DIS3L2: variants seen among roughly 807,000 people sequenced by gnomAD.
DIS3L2 encodes the protein DIS3 like 3'-5' exoribonuclease 2, also known as DIS3-like exonuclease 2.
DIS3L2 carries 34 observed loss-of-function variants against 97.5 expected under a neutral mutation model. That is an observed-to-expected ratio of 0.35 (90% CI 0.27 to 0.46). The LOEUF is 0.46. DIS3L2 is among the 20% of genes least tolerant of loss of function. The pLI, the probability that DIS3L2 is intolerant of heterozygous loss-of-function variation, is 1.00. For missense variants in DIS3L2, 1,038 were observed against 1,146.0 expected, an observed-to-expected ratio of 0.91 and a Z score of 1.36; for synonymous variants, 435 against 445.2, an observed-to-expected ratio of 0.98 and a Z score of 0.29.
At chr2:232,310,220 AG>A (rs1387939345) in intron 14 of DIS3L2, among the ~76,000 whole-genome samples, 1 of 152,128 alleles carries the variant, frequency 6.6e-6, no homozygotes, top group Non-Finnish European at 1.5e-5. Flanking sequence ...TTTAGGAGAA[AG>A]GGGGGCTTGA....
chr2:232,015,807 A>G, intron 3 of DIS3L2, 136 bp downstream of exon 3: 1 of 925,796 alleles, frequency 1.1e-6, no homozygotes, highest in Non-Finnish European at 1.6e-6. Flanking sequence ...ATGATGGCAT[A>G]ACAGAGATGA....
intron 1 of DIS3L2, among the ~76,000 whole-genome samples, chr2:231,968,357 A>G (rs1001632301): frequency 6.6e-6 from 1 of 152,188 alleles, no homozygotes. Context: ...CGGTCTCCCA[A>G]GTGCTGGGAT....
Position 232,021,153 on chromosome 2 carries a change from A to C in DIS3L2, c.211-3124A>C, listed in dbSNP as rs773503534. Among the ~76,000 whole-genome samples, 25 of 152,276 alleles carry C rather than the reference A, an allele frequency of 1.6e-4. No homozygotes were observed. In the South Asian group the frequency reaches 2.3e-3, roughly 14 times the overall value. On this transcript the variant is annotated intron_variant, in intron 3 of 20. Coordinates refer to ENST00000325385, the MANE Select transcript of DIS3L2 (RefSeq NM_152383.5). ...AGCTCCTGGGGTATAGGAAGGGAGAAAGCAGATAGCTGGGGTTAGTTGAGA... is the reference window on the plus strand; with the variant it reads ...AGCTCCTGGGGTATAGGAAGGGAGACAGCAGATAGCTGGGGTTAGTTGAGA...
chr2:232,238,496 C>T, intron 10 of DIS3L2, 37 bp from the exon 11 acceptor site: 5 of 1,573,310 alleles, frequency 3.2e-6, no homozygotes, highest in Non-Finnish European at 3.5e-6. Context: ...CTGTGGCCTT[C>T]CACGCCAGCC....
intron 8 of DIS3L2, among the ~76,000 whole-genome samples, chr2:232,148,223 A>G (rs1025007323): frequency 1.3e-5 from 2 of 151,810 alleles, no homozygotes; most frequent in Admixed American, 6.6e-5. Flanking sequence ...CAATTTTTAT[A>G]TTTTTAGTAG....
Position 232,335,784 on chromosome 2 carries a change from G to A in DIS3L2, c.2406G>A (p.Leu802=), listed in dbSNP as rs1446187399. The A allele has an allele frequency of 6.4e-7, 1 of 1,550,504 alleles. No individual in the cohort carries two copies. The highest frequency in any genetic ancestry group is 8.7e-7 in the Non-Finnish European group (1 of 1,146,982). The change falls in exon 20 of 21, where the codon CTG becomes CTA. Residue 802 remains leucine, a synonymous_variant. Transcript: ENST00000325385. ...QKRIYCNALA[L]RSHHFQKVGK... ...TGTTTGCACTCCAGGCACTGGCCCT[G>A]CGGTCCCACCACTTCCAGAAGGTGG... is the stretch of plus-strand genomic sequence containing the variant.
chr2:232,069,461 A>G (rs1363081916), intron 5 of DIS3L2, among the ~76,000 whole-genome samples: 1 of 152,216 alleles, frequency 6.6e-6, no homozygotes, highest in Non-Finnish European at 1.5e-5. Context: ...AAATGATCCT[A>G]CTTGAGCATT....
intron 14 of DIS3L2, among the ~76,000 whole-genome samples, chr2:232,312,532 C>T (rs1279821836): frequency 1.3e-5 from 2 of 152,236 alleles, no homozygotes; most frequent in Non-Finnish European, 1.5e-5. Flanking sequence ...TAGAGCTACA[C>T]TTTCCAACTT....
At chr2:232,214,651 G>A (rs578133000) in intron 10 of DIS3L2, among the ~76,000 whole-genome samples, 74 of 152,198 alleles carry the variant, frequency 4.9e-4, no homozygotes, top group Non-Finnish European at 6.6e-4. Context: ...TCCAGACTGC[G>A]CCTCCCTGGC....
chr2:232,253,232 G>A (rs938758644), intron 12 of DIS3L2, among the ~76,000 whole-genome samples: 1 of 152,208 alleles, frequency 6.6e-6, no homozygotes, highest in Non-Finnish European at 1.5e-5. Flanking sequence ...ACGAGTATGA[G>A]GTATTGGAGT....
intron 9 of DIS3L2, among the ~76,000 whole-genome samples, chr2:232,170,245 A>G (rs1485790883): frequency 6.6e-6 from 1 of 152,238 alleles, no homozygotes; most frequent in East Asian, 1.9e-4. Context: ...TTCAAATTTC[A>G]TTCATATTGT....
intron 13 of DIS3L2, among the ~76,000 whole-genome samples, chr2:232,287,398 C>A (rs866652602): frequency 1.4e-5 from 1 of 69,070 alleles, no homozygotes; most frequent in Admixed American, 1.3e-4. Flanking sequence ...GCCCCCCCCC[C>A]CCCCCGCTTT....
At chr2:232,266,622 A>G (rs995085465) in intron 13 of DIS3L2, among the ~76,000 whole-genome samples, 1 of 152,156 alleles carries the variant, frequency 6.6e-6, no homozygotes, top group Non-Finnish European at 1.5e-5. Flanking sequence ...GAGGTCATTT[A>G]TAAATCAGCT....
At chr2:232,071,520 T>C (rs1696017626) in intron 5 of DIS3L2, among the ~76,000 whole-genome samples, 1 of 148,494 alleles carries the variant, frequency 6.7e-6, no homozygotes, top group Non-Finnish European at 1.5e-5. Flanking sequence ...AGACCCTGTC[T>C]CAAAAAAAAG....
chr2:232,214,742 A>C (rs1559158455), intron 10 of DIS3L2, among the ~76,000 whole-genome samples: 1 of 152,192 alleles, frequency 6.6e-6, no homozygotes, highest in Non-Finnish European at 1.5e-5. Context: ...CATTCTGTTC[A>C]ATTAGTCAAG....
In DIS3L2 at chr2:232,329,787, CCTCCCATCCCACCCACCCTCTG is replaced by C; in HGVS notation, c.1740-24_1740-3del. The C allele has an allele frequency of 9.4e-7, 1 of 1,062,206 alleles. No individual in the cohort carries two copies. Among genetic ancestry groups the C allele is most frequent in the Non-Finnish European group, 1.3e-6 (1 of 774,470 alleles). 65.8% of individuals were successfully genotyped at this position (1,062,206 alleles called of 1,614,324 possible). On this transcript the variant is annotated splice_polypyrimidine_tract_variant and splice_region_variant and intron_variant, in intron 14 of 20. Transcript: ENST00000325385. ...CACCTGTCCCCAAACCCCAGCGGTC[CCTCCCATCCCACCCACCCTCTG>C]CAGGCTCGTGGAGGAGTTCATGCTC...
chr2:232,275,156 C>T (rs1046169212), intron 13 of DIS3L2, among the ~76,000 whole-genome samples: 1 of 152,220 alleles, frequency 6.6e-6, no homozygotes, highest in Non-Finnish European at 1.5e-5. Flanking sequence ...TCCAAATAGA[C>T]TTCCTCTTCC....
At chr2:232,047,202 A>G (rs1445569112) in intron 5 of DIS3L2, among the ~76,000 whole-genome samples, 5 of 152,252 alleles carry the variant, frequency 3.3e-5, no homozygotes, top group African/African-American at 1.2e-4. Flanking sequence ...GAAACACTTC[A>G]AAGTGCAAAG....
intron 9 of DIS3L2, among the ~76,000 whole-genome samples, chr2:232,182,003 C>G (rs2106184745): frequency 6.6e-6 from 1 of 152,248 alleles, no homozygotes; most frequent in Non-Finnish European, 1.5e-5. Flanking sequence ...ATCATGTCAC[C>G]TAGGGTGGTC....
Sources: gnomAD v4.1 joint callset for allele counts (sites outside exome capture counted in the v4.1 genomes callset) on GRCh38, gnomAD v4.1.1 for gene constraint, MANE v1.5 for transcripts, NCBI Gene and HGNC (gene_info 2026-07-23, HGNC 2026-07-21) for gene names.